Variants in DOCK1 observed in about 807,000 individuals in gnomAD.
DOCK1 encodes the protein dedicator of cytokinesis protein 1.
In DOCK1, 138 loss-of-function variants were observed where a neutral mutation model predicts 262.7. The observed-to-expected ratio is 0.53, with a 90% CI of 0.46 to 0.61. The LOEUF is 0.61. Ranked by LOEUF, DOCK1 falls within the 20% of genes least tolerant of loss-of-function variation. The probability of loss-of-function intolerance (pLI) is 0.00; values close to 1 mark genes in which losing one functional copy is unlikely to be tolerated. For missense variants in DOCK1, 1,908 were observed against 2,370.7 expected, an observed-to-expected ratio of 0.80 and a Z score of 4.05; for synonymous variants, 866 against 867.4, an observed-to-expected ratio of 1.00 and a Z score of 0.03.
chr10:127,317,264 G>A (rs535461344), intron 29 of DOCK1, among the ~76,000 whole-genome samples: 2 of 152,288 alleles, frequency 1.3e-5, no homozygotes, highest in South Asian at 2.1e-4. Flanking sequence ...TTCGAGTCAC[G>A]TCCGTACATC....
intron 29 of DOCK1, among the ~76,000 whole-genome samples, chr10:127,270,103 C>T (rs1025373251): frequency 2.0e-4 from 31 of 152,302 alleles, no homozygotes; most frequent in African/African-American, 7.2e-4. Context: ...GCGCCTCCTC[C>T]GAGCTGCCAT....
chr10:127,125,574 C>T lies in DOCK1; in HGVS notation c.2724C>T (p.Ile908=). The T allele has an allele frequency of 6.2e-7, 1 of 1,613,832 alleles. No individual in the cohort carries two copies. Among genetic ancestry groups the T allele is most frequent in the South Asian group, 1.1e-5 (1 of 91,050 alleles). The stretch of plus-strand genomic sequence containing the variant: ...CCTGCTGTCAGCTGCTCAGCCACAT[C>T]CTGGAGGTGCTGTACAGGAAGGACG... The part of the protein sequence containing the change: ...LEACCQLLSH[I]LEVLYRKDVG... Residue 908 remains isoleucine, a synonymous_variant, in exon 26 of 52, where the codon ATC becomes ATT. Coordinates refer to ENST00000623213, the MANE Select transcript of DOCK1 (RefSeq NM_001290223.2).
intron 27 of DOCK1, among the ~76,000 whole-genome samples, chr10:127,196,615 G>A (rs1358933411): frequency 6.8e-6 from 1 of 146,842 alleles, no homozygotes; most frequent in African/African-American, 2.5e-5. Context: ...CGGAGGTGGG[G>A]CGGGGGCGGC....
intron 49 of DOCK1, among the ~76,000 whole-genome samples, chr10:127,442,139 A>G (rs1201286504): frequency 2.0e-5 from 3 of 152,150 alleles, no homozygotes; most frequent in African/African-American, 4.8e-5. Flanking sequence ...CAGTTCTGGA[A>G]ATAGACCTGT....
At position 127,378,766 on chromosome 10, in the gene DOCK1, A is replaced by G. The variant is rs1437085492; in HGVS notation, c.3676-1316A>G. Among the ~76,000 whole-genome samples the G allele has an allele frequency of 3.3e-5, 5 of 152,232 alleles. No homozygotes were observed. The South Asian group carries it at 8.3e-4, about 25-fold the overall frequency. On this transcript the variant is annotated intron_variant, in intron 35 of 51. Transcript: ENST00000623213. ...ACTTTGAGTTGGAAATGAAGGGCTT[A>G]TCCTCTGCCTTTGATGCAGATTCTC... is the stretch of plus-strand genomic sequence containing the variant.
At chr10:127,253,633 G>A (rs2059728942) in intron 28 of DOCK1, among the ~76,000 whole-genome samples, 1 of 152,214 alleles carries the variant, frequency 6.6e-6, no homozygotes, top group East Asian at 1.9e-4. Flanking sequence ...CAGCACTTTG[G>A]GAGGTCGAAG....
chr10:127,373,893 A>G lies in DOCK1; in HGVS notation c.3518+27A>G, dbSNP rs145115746. 8,814 of 1,586,008 alleles carry G rather than the reference A, an allele frequency of 5.6e-3. 60 individuals carry two copies. The highest frequency in any genetic ancestry group is 5.2e-3 in the Non-Finnish European group (6,082 of 1,164,260). ...TAAGTGTTGATTAGCAGTGGGATTT[A>G]TGTCTGAGAGATACAGAGACAGAGA... On this transcript the variant is annotated intron_variant, in intron 34 of 51. Coordinates refer to ENST00000623213, the MANE Select transcript of DOCK1 (RefSeq NM_001290223.2).
intron 27 of DOCK1, among the ~76,000 whole-genome samples, chr10:127,194,192 G>C (rs1466080451): frequency 6.6e-6 from 1 of 152,222 alleles, no homozygotes; most frequent in Non-Finnish European, 1.5e-5. Flanking sequence ...CATGGCTAAT[G>C]TAATTTATGC....
Position 127,329,934 on chromosome 10 carries a change from A to G in DOCK1, c.3045-9072A>G, listed in dbSNP as rs138730426. Among the ~76,000 whole-genome samples the G allele has an allele frequency of 7.0e-3, 1,067 of 152,214 alleles. 12 individuals are homozygous for G. The highest frequency in any genetic ancestry group is 0.011 in the Non-Finnish European group (762 of 68,018). ...GAGGTGAAGCTGAGGGTACCTGCCT[A>G]CCTTGATTTCCAGACTGGTTTATCC... On this transcript the variant is annotated intron_variant, in intron 29 of 51. Coordinates refer to ENST00000623213, the MANE Select transcript of DOCK1 (RefSeq NM_001290223.2).
At chr10:127,056,690 C>T (rs551075956) in intron 22 of DOCK1, among the ~76,000 whole-genome samples, 2 of 152,236 alleles carry the variant, frequency 1.3e-5, no homozygotes, top group East Asian at 3.9e-4. Context: ...CCCAGACTTT[C>T]ACAGTTTGAC....
intron 1 of DOCK1, among the ~76,000 whole-genome samples, chr10:126,945,357 A>T (rs2035310500): frequency 6.6e-6 from 1 of 151,770 alleles, no homozygotes; most frequent in African/African-American, 2.4e-5. Context: ...GGGCCTCTCC[A>T]TAGGGGCAGC....
At chr10:127,272,691 G>A (rs902430345) in intron 29 of DOCK1, among the ~76,000 whole-genome samples, 4 of 152,162 alleles carry the variant, frequency 2.6e-5, no homozygotes, top group East Asian at 1.9e-4. Context: ...CCGTGTTCAC[G>A]CTGCTGATAA....
chr10:127,046,345 T>C (rs1021664098), intron 21 of DOCK1, among the ~76,000 whole-genome samples: 2 of 152,184 alleles, frequency 1.3e-5, no homozygotes, highest in Non-Finnish European at 2.9e-5. Context: ...ATCTGCAGAC[T>C]TCGCCTCTTC....
At chr10:127,070,194 A>G (rs1364294516) in intron 23 of DOCK1, among the ~76,000 whole-genome samples, 1 of 151,870 alleles carries the variant, frequency 6.6e-6, no homozygotes, top group African/African-American at 2.4e-5. Context: ...TATATCTGAA[A>G]AAAGACTGTT....
At chr10:126,948,743 G>A (rs2035865425) in intron 1 of DOCK1, among the ~76,000 whole-genome samples, 1 of 152,064 alleles carries the variant, frequency 6.6e-6, no homozygotes, top group Non-Finnish European at 1.5e-5. Flanking sequence ...CATCCAGCCT[G>A]GATCCCAAGC....
intron 27 of DOCK1, among the ~76,000 whole-genome samples, chr10:127,132,885 A>C (rs2050409203): frequency 6.6e-6 from 1 of 152,170 alleles, no homozygotes; most frequent in Admixed American, 6.5e-5. Flanking sequence ...AATTCATGAA[A>C]ATGAAAATGT....
intron 27 of DOCK1, among the ~76,000 whole-genome samples, chr10:127,180,946 A>G (rs911542745): frequency 6.6e-6 from 1 of 152,168 alleles, no homozygotes; most frequent in African/African-American, 2.4e-5. Context: ...TTTGGGGAGA[A>G]TGGAGGGAGG....
chr10:127,444,648 C>T (rs2070418421), intron 50 of DOCK1, among the ~76,000 whole-genome samples: 1 of 152,204 alleles, frequency 6.6e-6, no homozygotes. Context: ...GAAGCACCTT[C>T]AGGCAGTTGG....
chr10:127,201,281 C>A (rs61874039), intron 27 of DOCK1, among the ~76,000 whole-genome samples: 10 of 152,172 alleles, frequency 6.6e-5, no homozygotes, highest in African/African-American at 2.4e-4. Flanking sequence ...TTAAGACTCT[C>A]GCTTTGTGTA....
Sources: allele counts gnomAD v4.1 joint callset (sites outside exome capture counted in the v4.1 genomes callset), GRCh38; gene constraint gnomAD v4.1.1; transcripts MANE v1.5; gene names NCBI Gene and HGNC (gene_info 2026-07-23, HGNC 2026-07-21).